The following NELL2 variants were observed in gnomAD, a reference collection of about 807,000 sequenced individuals.
NELL2 encodes the protein protein kinase C-binding protein NELL2.
NELL2 carries 41 observed loss-of-function variants against 109.6 expected under a neutral mutation model. The ratio of observed to expected loss-of-function variants is 0.37; its 90% CI spans 0.29 to 0.49. NELL2 has a LOEUF of 0.49. NELL2 is among the 20% of genes least tolerant of loss of function. NELL2 has a pLI of 0.98. For synonymous variants in NELL2, 355 were observed against 344.7 expected (o/e 1.03, Z -0.33); for missense variants, 900 against 1,008.3 (o/e 0.89, Z 1.45).
chr12:44,876,908 C>G (rs1218628254), upstream of NELL2: 2 of 1,253,228 alleles, frequency 1.6e-6, no homozygotes, highest in African/African-American at 3.1e-5. Flanking sequence ...GGAGAGGTTC[C>G]CTGCCGGGGG....
At chr12:44,664,396 T>C (rs1421867182) in intron 13 of NELL2, among the ~76,000 whole-genome samples, 2 of 152,092 alleles carry the variant, frequency 1.3e-5, no homozygotes, top group East Asian at 3.9e-4. Context: ...TCTTTTTGAA[T>C]GCCATCATTT....
intron 2 of NELL2, among the ~76,000 whole-genome samples, chr12:44,842,226 T>G (rs1944252426): frequency 6.6e-6 from 1 of 152,094 alleles, no homozygotes; most frequent in South Asian, 2.1e-4. Flanking sequence ...AGATTTATTA[T>G]AAGTTCATAA....
At chr12:44,742,461 T>C (rs1940041035) in intron 9 of NELL2, among the ~76,000 whole-genome samples, 1 of 152,194 alleles carries the variant, frequency 6.6e-6, no homozygotes, top group Admixed American at 6.5e-5. Flanking sequence ...GGACGGAGAA[T>C]GACTTTGACG....
intron 12 of NELL2, among the ~76,000 whole-genome samples, chr12:44,700,428 A>G (rs1422588447): frequency 6.6e-6 from 1 of 152,076 alleles, no homozygotes; most frequent in Non-Finnish European, 1.5e-5. Flanking sequence ...CTTTAGTGTG[A>G]CCTTCAAGAT....
chr12:44,832,154 G>A (rs1377427833), intron 2 of NELL2, among the ~76,000 whole-genome samples: 1 of 152,076 alleles, frequency 6.6e-6, no homozygotes, highest in Non-Finnish European at 1.5e-5. Flanking sequence ...TTAGCTCAAG[G>A]GGCCATATAA....
chr12:44,624,992 G>GTGTATATATATATATA (rs1946189846), intron 13 of NELL2, among the ~76,000 whole-genome samples: 1 of 60,698 alleles, frequency 1.6e-5, no homozygotes, highest in Non-Finnish European at 3.0e-5. Context: ...ATATATATGT[G>GTGTATATATATATATA]TGTGTATATA....
intron 9 of NELL2, among the ~76,000 whole-genome samples, chr12:44,719,097 A>T (rs1015528403): frequency 1.3e-5 from 2 of 152,216 alleles, no homozygotes; most frequent in Non-Finnish European, 2.9e-5. Context: ...ATCAATTAAT[A>T]AAAATTATTT....
intron 11 of NELL2, among the ~76,000 whole-genome samples, chr12:44,710,044 T>C (rs1272882146): frequency 6.6e-6 from 1 of 152,188 alleles, no homozygotes; most frequent in Non-Finnish European, 1.5e-5. Flanking sequence ...GACCATGTCT[T>C]AAACCATTTT....
At chr12:44,633,093 A>T (rs890278430) in intron 13 of NELL2, among the ~76,000 whole-genome samples, 1 of 151,978 alleles carries the variant, frequency 6.6e-6, no homozygotes, top group African/African-American at 2.4e-5. Context: ...AATACAAACA[A>T]CATGTAGTTA....
At chr12:44,675,684 C>T (rs1948286686) in intron 12 of NELL2, among the ~76,000 whole-genome samples, 1 of 151,922 alleles carries the variant, frequency 6.6e-6, no homozygotes, top group African/African-American at 2.4e-5. Flanking sequence ...AAAGAGGAGG[C>T]AGGTATGGGA....
At chr12:44,617,614 C>G (rs1256875482) in intron 13 of NELL2, among the ~76,000 whole-genome samples, 1 of 123,196 alleles carries the variant, frequency 8.1e-6, no homozygotes, top group Admixed American at 8.1e-5. Flanking sequence ...ATGGCGTGAA[C>G]CTGGGAGGCG....
At chr12:44,539,775 T>G (rs570374624) in intron 15 of NELL2, among the ~76,000 whole-genome samples, 1 of 152,328 alleles carries the variant, frequency 6.6e-6, no homozygotes, top group East Asian at 1.9e-4. Context: ...GGCCATAAAT[T>G]GTTATATTTT....
chr12:44,816,977 G>T (rs1481829261), intron 2 of NELL2, among the ~76,000 whole-genome samples: 1 of 152,250 alleles, frequency 6.6e-6, no homozygotes, highest in African/African-American at 2.4e-5. Context: ...TGTACGCAAA[G>T]AAGATTGACG....
At chr12:44,752,939 C>T (rs1419916432) in intron 9 of NELL2, among the ~76,000 whole-genome samples, 1 of 152,120 alleles carries the variant, frequency 6.6e-6, no homozygotes, top group Non-Finnish European at 1.5e-5. Context: ...GATTTCAGGT[C>T]CCCAGAAGGT....
Position 44,658,712 on chromosome 12 carries a change from T to C in NELL2, c.1444+6772A>G, listed in dbSNP as rs569211572. Among the ~76,000 whole-genome samples the C allele has an allele frequency of 2.7e-3, 410 of 150,732 alleles. 2 individuals carry two copies. Among genetic ancestry groups the C allele is most frequent in the African/African-American group, 9.8e-3 (402 of 40,816 alleles). ...TAACATGGTGAAACCCTGTCTCTAC[T>C]AAAAATACAAAAAATTAGCTGGGTG... is the stretch of plus-strand genomic sequence containing the variant. On this transcript the variant is annotated intron_variant, in intron 13 of 19. Transcript: ENST00000429094.
At chr12:44,684,305 CTCTTTTT>C (rs1294178040) in intron 12 of NELL2, among the ~76,000 whole-genome samples, 4 of 152,124 alleles carry the variant, frequency 2.6e-5, no homozygotes, top group African/African-American at 9.7e-5. Context: ...TGATTCTTCT[CTCTTTTT>C]TCTTTATTAG....
At chr12:44,721,131 C>T (rs551381572) in intron 9 of NELL2, among the ~76,000 whole-genome samples, 12 of 152,316 alleles carry the variant, frequency 7.9e-5, no homozygotes, top group Admixed American at 4.6e-4. Flanking sequence ...AAAAAGCACA[C>T]GCTATTGCTG....
intron 12 of NELL2, among the ~76,000 whole-genome samples, chr12:44,701,671 G>A (rs1381729777): frequency 2.0e-5 from 3 of 151,968 alleles, no homozygotes; most frequent in Non-Finnish European, 4.4e-5. Flanking sequence ...CTTTCAAAAC[G>A]TACTATGAAT....
At chr12:44,740,380 A>T (rs1212018259) in intron 9 of NELL2, among the ~76,000 whole-genome samples, 1 of 152,198 alleles carries the variant, frequency 6.6e-6, no homozygotes, top group African/African-American at 2.4e-5. Flanking sequence ...AGCAAAGAGA[A>T]GCAGAGGTAG....
Sources: gnomAD v4.1 joint callset for allele counts (sites outside exome capture counted in the v4.1 genomes callset) on GRCh38, gnomAD v4.1.1 for gene constraint, MANE v1.5 for transcripts, NCBI Gene and HGNC (gene_info 2026-07-23, HGNC 2026-07-21) for gene names.